Variants in ACSBG1 observed in about 807,000 individuals in gnomAD.
The protein encoded by ACSBG1 is acyl-CoA synthetase bubblegum family member 1.
Under a neutral mutation model 80.2 loss-of-function variants are expected in ACSBG1, and 39 were observed. The ratio of observed to expected loss-of-function variants is 0.49; its 90% CI spans 0.38 to 0.64. ACSBG1 has a LOEUF of 0.64. ACSBG1 is among the 30% of genes least tolerant of loss of function. ACSBG1 has a pLI of 0.00. For missense variants in ACSBG1, 828 were observed against 966.4 expected (o/e 0.86, Z 1.90); for synonymous variants, 392 against 379.5 (o/e 1.03, Z -0.38).
intron 5 of ACSBG1, 40 bp downstream of exon 5, chr15:78,193,466 C>T (rs770818674): frequency 6.3e-7 from 1 of 1,578,678 alleles, no homozygotes; most frequent in African/African-American, 1.3e-5. Context: ...CATGGGGATA[C>T]CCAGCATCTG....
chr15:78,205,687 C>T (rs2075207282), intron 2 of ACSBG1, among the ~76,000 whole-genome samples: 1 of 152,194 alleles, frequency 6.6e-6, no homozygotes, highest in African/African-American at 2.4e-5. Context: ...TAGCACAGGG[C>T]TTGATTCTTC....
Position 78,173,693 on chromosome 15 carries a change from C to A in ACSBG1, c.1989G>T (p.Glu663Asp), listed in dbSNP as rs1277157056. ...CGTTCATGTTGACCCTCCGGATCCC[C>A]TCTTCGATGGCCTGGTACACGGCCT... is the stretch of plus-strand genomic sequence containing the variant. ...KDEAVYQAIE[E>D]GIRRVNMNAA... Residue 663 changes from glutamate (E) to aspartate (D), a missense_variant, in exon 13 of 14, where the codon GAG becomes GAT. Transcript: ENST00000258873. The A allele has an allele frequency of 4.3e-6, 7 of 1,614,256 alleles. No individual in the cohort carries two copies. Among genetic ancestry groups the A allele is most frequent in the Non-Finnish European group, 5.9e-6 (7 of 1,180,048 alleles).
chr15:78,201,136 C>T (rs1307582657), intron 2 of ACSBG1, among the ~76,000 whole-genome samples: 3 of 152,190 alleles, frequency 2.0e-5, no homozygotes, highest in Non-Finnish European at 2.9e-5. Context: ...GGGTCATGGT[C>T]GGGGCTGCCT....
At chr15:78,228,207 GCCA>G (rs2075419073) in intron 1 of ACSBG1, among the ~76,000 whole-genome samples, 1 of 152,164 alleles carries the variant, frequency 6.6e-6, no homozygotes, top group Non-Finnish European at 1.5e-5. Context: ...TTTCCAAGGA[GCCA>G]GAATTGTCTG....
At chr15:78,173,948 C>T in intron 12 of ACSBG1, 109 bp from the exon 13 acceptor site, 1 of 1,351,152 alleles carries the variant, frequency 7.4e-7, no homozygotes, top group South Asian at 1.5e-5. Flanking sequence ...CATGTGAGCT[C>T]TGTTTCAAAG....
At chr15:78,213,145 G>A (rs1294863450) in intron 1 of ACSBG1, among the ~76,000 whole-genome samples, 1 of 152,206 alleles carries the variant, frequency 6.6e-6, no homozygotes, top group African/African-American at 2.4e-5. Flanking sequence ...AACAGGGAGA[G>A]CAATGCCTCC....
chr15:78,207,924 C>CCCCCCCCCCCCCCCCCCG, intron 2 of ACSBG1, 78 bp downstream of exon 2: 1 of 728,276 alleles, frequency 1.4e-6, no homozygotes, highest in South Asian at 1.5e-5. Context: ...TGGTCCCCCA[C>CCCCCCCCCCCCCCCCCCG]ACCACCCACC....
At chr15:78,225,806 A>T (rs1036072855) in intron 1 of ACSBG1, among the ~76,000 whole-genome samples, 4 of 152,326 alleles carry the variant, frequency 2.6e-5, no homozygotes, top group Non-Finnish European at 5.9e-5. Context: ...CACAATTTCT[A>T]TGGGTTAGGA....
chr15:78,177,453 G>A lies in ACSBG1; in HGVS notation c.1702+1161C>T, dbSNP rs1202496359. 1.3e-5 allele frequency among the ~76,000 whole-genome samples: 2 copies of A among 152,206 alleles called. No individual in the cohort carries two copies. The highest frequency in any genetic ancestry group is 4.8e-5 in the African/African-American group (2 of 41,450). On this transcript the variant is annotated intron_variant, in intron 11 of 13. Coordinates refer to ENST00000258873, the MANE Select transcript of ACSBG1 (RefSeq NM_015162.5). The surrounding 1 kb of genome is among the most constrained non-coding windows in gnomAD (Gnocchi z 4.1). ...TGGACCCTTACCTCTCACTATACTAGTTCTAAAAGGAGGGCCGGCTCTGGT... is the reference window on the plus strand; with the variant it reads ...TGGACCCTTACCTCTCACTATACTAATTCTAAAAGGAGGGCCGGCTCTGGT...
At chr15:78,206,638 A>T (rs1363451595) in intron 2 of ACSBG1, among the ~76,000 whole-genome samples, 1 of 151,980 alleles carries the variant, frequency 6.6e-6, no homozygotes, top group Non-Finnish European at 1.5e-5. Flanking sequence ...CCTGTCCCTC[A>T]TCTGGCCCCT....
At chr15:78,210,138 G>A (rs2075254989) in intron 1 of ACSBG1, among the ~76,000 whole-genome samples, 1 of 152,180 alleles carries the variant, frequency 6.6e-6, no homozygotes. Flanking sequence ...AGCACCCAGT[G>A]CAGTGTCAAA....
chr15:78,173,904 A>T, intron 12 of ACSBG1, 65 bp from the exon 13 acceptor site: 3 of 1,559,434 alleles, frequency 1.9e-6, no homozygotes, highest in Non-Finnish European at 2.6e-6. Context: ...CTGGTCCTGG[A>T]GGAGGTCTTA....
intron 1 of ACSBG1, among the ~76,000 whole-genome samples, chr15:78,210,269 G>A (rs1343368368): frequency 1.3e-5 from 2 of 152,180 alleles, no homozygotes; most frequent in Non-Finnish European, 2.9e-5. Flanking sequence ...GCTGGCTCAA[G>A]GCACTGATTC....
intron 2 of ACSBG1, among the ~76,000 whole-genome samples, chr15:78,200,294 G>A (rs1179459988): frequency 6.6e-6 from 1 of 152,106 alleles, no homozygotes; most frequent in African/African-American, 2.4e-5. Flanking sequence ...AAGAGCCCTA[G>A]CTCTGGAGGA....
chr15:78,223,582 C>A (rs529399997), intron 1 of ACSBG1, among the ~76,000 whole-genome samples: 1 of 152,310 alleles, frequency 6.6e-6, no homozygotes, highest in African/African-American at 2.4e-5. Context: ...GTCACAGACA[C>A]TCAAATAGCT....
chr15:78,232,965 G>A (rs972277340), intron 1 of ACSBG1, among the ~76,000 whole-genome samples: 3 of 152,204 alleles, frequency 2.0e-5, no homozygotes, highest in Admixed American at 6.5e-5. Context: ...ACAGGCATGA[G>A]CCATCATGCA....
chr15:78,183,708 G>A (rs1316887527), intron 5 of ACSBG1, among the ~76,000 whole-genome samples: 1 of 152,026 alleles, frequency 6.6e-6, no homozygotes, highest in Non-Finnish European at 1.5e-5. Flanking sequence ...TTTTGACTTT[G>A]GAATCATGTA....
At chr15:78,209,100 G>A (rs117592611) in intron 1 of ACSBG1, 6,978 of 453,786 alleles carry the variant, frequency 0.015, 110 homozygotes, top group East Asian at 0.068. Context: ...TTAGGGTGGG[G>A]CTAGCCCCAT....
In ACSBG1 at chr15:78,173,829, T is replaced by G; in HGVS notation, c.1853A>C (p.Asp618Ala). 6.2e-7 allele frequency: 1 copy of G among 1,613,884 alleles called. No homozygotes were observed. Reference sequence around the variant, plus strand: ...ATCAGTCTGGTCAGAGGTGTCTGGGTCCAGAGTGCACTGAAAAGCCAGAGA... The same window carrying G: ...ATCAGTCTGGTCAGAGGTGTCTGGGGCCAGAGTGCACTGAAAAGCCAGAGA... Reference protein sequence around the residue: ...SMLLTLKCTLDPDTSDQTDNL... With the variant: ...SMLLTLKCTLAPDTSDQTDNL... The change falls in exon 13 of 14, where the codon GAC (aspartate) becomes GCC (alanine). Residue 618 changes from aspartate (D) to alanine (A), a missense_variant. By Grantham distance (126) the Asp-to-Ala change is moderately radical. Coordinates refer to ENST00000258873, the MANE Select transcript of ACSBG1 (RefSeq NM_015162.5).
Sources: allele counts gnomAD v4.1 joint callset (sites outside exome capture counted in the v4.1 genomes callset), GRCh38; gene constraint gnomAD v4.1.1; non-coding constraint Gnocchi (gnomAD v3.1); transcripts MANE v1.5; gene names NCBI Gene and HGNC (gene_info 2026-07-23, HGNC 2026-07-21).